PCBP3: variants seen among roughly 807,000 people sequenced by gnomAD.
PCBP3 encodes poly(rC)-binding protein 3.
Under a neutral mutation model 52.7 loss-of-function variants are expected in PCBP3, and 25 were observed. The ratio of observed to expected loss-of-function variants is 0.47; its 90% CI spans 0.35 to 0.66. The LOEUF is 0.66. Ranked by LOEUF, PCBP3 falls within the 30% of genes least tolerant of loss-of-function variation. The pLI is 0.01. For missense variants in PCBP3, 391 were observed against 490.3 expected, an observed-to-expected ratio of 0.80 and a Z score of 1.91; for synonymous variants, 162 against 183.0, an observed-to-expected ratio of 0.89 and a Z score of 0.93.
chr21:45,665,363 A>G (rs2080726890), intron 1 of PCBP3, among the ~76,000 whole-genome samples: 1 of 152,106 alleles, frequency 6.6e-6, no homozygotes, highest in South Asian at 2.1e-4. Context: ...AGCCTTGATC[A>G]CACCATTGCA....
chr21:45,810,561 G>C (rs960727079), intron 4 of PCBP3, among the ~76,000 whole-genome samples: 1 of 152,002 alleles, frequency 6.6e-6, no homozygotes, highest in African/African-American at 2.4e-5. Flanking sequence ...ATCTGTGCCC[G>C]GCCAATTTTT....
At chr21:45,658,505 T>C (rs1476491537) in intron 1 of PCBP3, among the ~76,000 whole-genome samples, 2 of 152,192 alleles carry the variant, frequency 1.3e-5, no homozygotes, top group African/African-American at 2.4e-5. Flanking sequence ...GGTCTTACCA[T>C]GTTGGCCAGG....
chr21:45,849,635 T>C (rs1403626506), intron 4 of PCBP3, among the ~76,000 whole-genome samples: 1 of 152,240 alleles, frequency 6.6e-6, no homozygotes, highest in Non-Finnish European at 1.5e-5. Context: ...TATAATTTAA[T>C]AAATATTGTT....
At chr21:45,790,362 AGGAC>A (rs1164510462) in intron 4 of PCBP3, among the ~76,000 whole-genome samples, 4 of 152,150 alleles carry the variant, frequency 2.6e-5, no homozygotes, top group African/African-American at 9.7e-5. Context: ...ATTAGCAGGA[AGGAC>A]GAAGTTGTGT....
rs542219278 is a variant in PCBP3 at position 45,853,543 on chromosome 21, A to T, written c.10+3448A>T. ...AGCGACAGAATTTTCTGGGGTTTCA[A>T]TACCCTCTGCAGGTTTCCATTGGTT... On this transcript the variant is annotated intron_variant, in intron 5 of 17. Coordinates refer to ENST00000681687, the MANE Select transcript of PCBP3 (RefSeq NM_001384156.1). The surrounding 1 kb of genome is among the most constrained non-coding windows in gnomAD (Gnocchi z 4.6). Among the ~76,000 whole-genome samples, 1 of 152,204 alleles carries T rather than the reference A, an allele frequency of 6.6e-6. No homozygotes were observed. Among genetic ancestry groups the T allele is most frequent in the Non-Finnish European group, 1.5e-5 (1 of 68,036 alleles).
Position 45,940,878 on chromosome 21 carries a change from A to C in PCBP3, c.1079+679A>C, listed in dbSNP as rs371971458. 3.2e-3 allele frequency among the ~76,000 whole-genome samples: 475 copies of C among 146,582 alleles called. 6 individuals carry two copies. Among genetic ancestry groups the C allele is most frequent in the African/African-American group, 0.012 (444 of 37,204 alleles). ...AAGGAACATCCGTCCTCTCTCCCCA[A>C]GGATGTCCTACTGCAAGAGCCCTGA... On this transcript the variant is annotated intron_variant, in intron 17 of 17. Transcript: ENST00000681687.
intron 5 of PCBP3, among the ~76,000 whole-genome samples, chr21:45,874,024 A>G (rs373303070): frequency 8.2e-4 from 125 of 152,108 alleles, no homozygotes; most frequent in African/African-American, 2.9e-3. Context: ...TGCTGGGATC[A>G]CAGGCGTGAG....
intron 4 of PCBP3, among the ~76,000 whole-genome samples, chr21:45,816,904 G>C (rs1370016393): frequency 6.6e-6 from 1 of 152,126 alleles, no homozygotes; most frequent in African/African-American, 2.4e-5. Flanking sequence ...CAGGGCAGCA[G>C]GTGAGTTTAC....
intron 4 of PCBP3, among the ~76,000 whole-genome samples, chr21:45,789,713 C>T (rs868555072): frequency 2.6e-5 from 4 of 152,160 alleles, no homozygotes; most frequent in Non-Finnish European, 4.4e-5. Flanking sequence ...GTCCTAAGAG[C>T]TTTTGCTGTG....
At chr21:45,697,453 A>G (rs1213465979) in intron 2 of PCBP3, among the ~76,000 whole-genome samples, 1 of 152,220 alleles carries the variant, frequency 6.6e-6, no homozygotes, top group Non-Finnish European at 1.5e-5. Flanking sequence ...CTTAAAAAAT[A>G]TCACAAAGTT....
intron 1 of PCBP3, among the ~76,000 whole-genome samples, chr21:45,666,216 GA>G (rs1346856654): frequency 1.3e-5 from 2 of 152,150 alleles, no homozygotes; most frequent in Non-Finnish European, 2.9e-5. Context: ...ACAAAACAAG[GA>G]TGTCCATTTT....
intron 4 of PCBP3, among the ~76,000 whole-genome samples, chr21:45,767,749 C>T (rs1157727060): frequency 1.3e-5 from 2 of 152,204 alleles, no homozygotes; most frequent in Non-Finnish European, 2.9e-5. Flanking sequence ...GCTGGCCAGT[C>T]GGGAGGCCAT....
At chr21:45,855,442 GACCCCAC>G (rs113615691) in intron 5 of PCBP3, among the ~76,000 whole-genome samples, 4,167 of 152,234 alleles carry the variant, frequency 0.027, 195 homozygotes, top group African/African-American at 0.094. Flanking sequence ...CCAGTTCCCA[GACCCCAC>G]ACCCCACCAG....
At chr21:45,892,868 G>A (rs1284612919) in intron 5 of PCBP3, among the ~76,000 whole-genome samples, 1 of 152,210 alleles carries the variant, frequency 6.6e-6, no homozygotes, top group South Asian at 2.1e-4. Flanking sequence ...TGGGTGCCAG[G>A]ACCCTCTCTA....
intron 5 of PCBP3, among the ~76,000 whole-genome samples, chr21:45,864,050 G>T (rs753410717): frequency 3.3e-5 from 5 of 152,138 alleles, no homozygotes; most frequent in Non-Finnish European, 5.9e-5. Context: ...TTTACTAGTC[G>T]AGTGTTATTA....
intron 1 of PCBP3, among the ~76,000 whole-genome samples, chr21:45,646,083 T>TTTC (rs1569069931): frequency 1.6e-3 from 159 of 99,518 alleles, no homozygotes; most frequent in Non-Finnish European, 2.3e-3. Flanking sequence ...CTCTCTCTCT[T>TTTC]TCTCTCTCTC....
intron 4 of PCBP3, among the ~76,000 whole-genome samples, chr21:45,826,465 C>A (rs992952365): frequency 6.6e-6 from 1 of 152,126 alleles, no homozygotes; most frequent in African/African-American, 2.4e-5. Context: ...TCTGATTTCA[C>A]GCATGCAAAA....
At chr21:45,885,219 G>A (rs891829486) in intron 5 of PCBP3, among the ~76,000 whole-genome samples, 2 of 152,098 alleles carry the variant, frequency 1.3e-5, no homozygotes, top group African/African-American at 4.8e-5. Flanking sequence ...TCGGGGCCAC[G>A]TCCTCCTGGC....
At chr21:45,896,594 G>A (rs1251041487) in intron 6 of PCBP3, among the ~76,000 whole-genome samples, 11 of 143,918 alleles carry the variant, frequency 7.6e-5, no homozygotes, top group East Asian at 2.2e-4. Flanking sequence ...ACATAGAACT[G>A]GAGACGCACT....
Sources: allele counts gnomAD v4.1 joint callset (sites outside exome capture counted in the v4.1 genomes callset), GRCh38; gene constraint gnomAD v4.1.1; non-coding constraint Gnocchi (gnomAD v3.1); transcripts MANE v1.5; gene names NCBI Gene and HGNC (gene_info 2026-07-23, HGNC 2026-07-21).